The following PDS5A variants were observed in gnomAD, a reference collection of about 807,000 sequenced individuals.
The protein encoded by PDS5A is sister chromatid cohesion protein PDS5 homolog A.
A neutral mutation model predicts 167.1 loss-of-function variants in PDS5A; 42 were observed. That is an observed-to-expected ratio of 0.25 (90% CI 0.20 to 0.33). The LOEUF (loss-of-function observed/expected upper bound fraction) is 0.33. Among genes scored for constraint, PDS5A ranks in the 10% least tolerant of loss-of-function variants. PDS5A has a pLI of 1.00. For synonymous variants in PDS5A, 553 were observed against 554.6 expected (o/e 1.00, Z 0.04); for missense variants, 1,033 against 1,605.9 (o/e 0.64, Z 6.10).
intron 16 of PDS5A, among the ~76,000 whole-genome samples, chr4:39,891,483 T>C (rs1721957199): frequency 1.3e-5 from 2 of 151,712 alleles, no homozygotes; most frequent in South Asian, 4.2e-4. Context: ...ACCCCATCTC[T>C]ATTAAAAATA....
At position 39,862,882 on chromosome 4, in the gene PDS5A, A is replaced by T; in HGVS notation, c.2958T>A (p.Asn986Lys). ...ISIRREYIKQ[N>K]PMATEKLLSL... Reference sequence around the variant, plus strand: ...TGAGTTACTTACCAGTAGCCATAGGATTCTGCTTAATGTATTCCCTGCGTA... The same window carrying T: ...TGAGTTACTTACCAGTAGCCATAGGTTTCTGCTTAATGTATTCCCTGCGTA... Residue 986 changes from asparagine (N) to lysine (K), a missense_variant, in exon 25 of 33, where the codon AAT becomes AAA. By Grantham distance (94) the Asn-to-Lys change is moderately conservative. Around this residue, in one of 4 missense-constraint regions of PDS5A, gnomAD observed 367 missense variants for 686.7 expected, o/e 0.53. Coordinates refer to ENST00000303538, the MANE Select transcript of PDS5A (RefSeq NM_001100399.2). The T allele has an allele frequency of 6.2e-7, 1 of 1,603,968 alleles. No individual in the cohort carries two copies. Among genetic ancestry groups the T allele is most frequent in the Non-Finnish European group, 8.5e-7 (1 of 1,175,086 alleles).
At chr4:39,900,310 G>T (rs1314170792) in intron 14 of PDS5A, 116 bp downstream of exon 14, 3 of 646,022 alleles carry the variant, frequency 4.6e-6, no homozygotes, top group Admixed American at 5.3e-5. Context: ...ATATTTAACT[G>T]ACATTTGGAA....
chr4:39,910,735 C>T (rs894795875), intron 9 of PDS5A, among the ~76,000 whole-genome samples: 1 of 152,172 alleles, frequency 6.6e-6, no homozygotes, highest in Non-Finnish European at 1.5e-5. Flanking sequence ...TGGCTGACAC[C>T]TGTAATCACT....
chr4:39,842,411 T>C (rs1258847655), intron 30 of PDS5A, among the ~76,000 whole-genome samples: 2 of 152,126 alleles, frequency 1.3e-5, no homozygotes, highest in East Asian at 3.9e-4. Context: ...CTACAGACCA[T>C]AGTATAGTTG....
At chr4:39,946,025 G>C (rs1226657964) in intron 2 of PDS5A, among the ~76,000 whole-genome samples, 1 of 151,800 alleles carries the variant, frequency 6.6e-6, no homozygotes, top group African/African-American at 2.4e-5. Context: ...TGGCCAACAA[G>C]GCGAAACCTC....
At chr4:39,950,292 T>C (rs1228357772) in intron 2 of PDS5A, among the ~76,000 whole-genome samples, 1 of 151,994 alleles carries the variant, frequency 6.6e-6, no homozygotes, top group Admixed American at 6.6e-5. Flanking sequence ...CCGGGCACGG[T>C]GGGTCTCACC....
At chr4:39,856,071 T>C (rs1578613661) in intron 26 of PDS5A, among the ~76,000 whole-genome samples, 1 of 151,936 alleles carries the variant, frequency 6.6e-6, no homozygotes, top group South Asian at 2.1e-4. Context: ...AGATAAAGGA[T>C]AAAGGTCTCT....
intron 17 of PDS5A, among the ~76,000 whole-genome samples, chr4:39,884,865 C>T (rs979052817): frequency 2.0e-5 from 3 of 152,118 alleles, no homozygotes; most frequent in African/African-American, 7.2e-5. Flanking sequence ...TTCCTATAGA[C>T]CATTAACTAA....
intron 2 of PDS5A, among the ~76,000 whole-genome samples, chr4:39,965,838 A>G (rs1301900261): frequency 6.6e-6 from 1 of 152,174 alleles, no homozygotes; most frequent in Non-Finnish European, 1.5e-5. Flanking sequence ...GGGGAAGATG[A>G]AAAATTCTGG....
chr4:39,828,601 A>C (rs138103295), intron 32 of PDS5A, among the ~76,000 whole-genome samples: 1 of 152,346 alleles, frequency 6.6e-6, no homozygotes, highest in Non-Finnish European at 1.5e-5. Context: ...CCTAAAGTGT[A>C]AACTGTAGTT....
At position 39,900,467 on chromosome 4, in the gene PDS5A, T is replaced by C; in HGVS notation, c.1540A>G (p.Ser514Gly). ...EMWKCQNMLR[S>G]HVRELLDLHK... The stretch of plus-strand genomic sequence containing the variant: ...AAATCCAATAGTTCGCGTACATGGC[T>C]CCGAAGCATGTTCTGACACTTCCAC... Residue 514 changes from serine (S) to glycine (G), a missense_variant, in exon 14 of 33, where the codon AGC becomes GGC. Ser to Gly is a moderately conservative substitution (Grantham distance 56). This residue lies in a region of PDS5A where 45 missense variants were observed against 40.2 expected (regional missense o/e 1.12). Transcript: ENST00000303538. 2 of 1,585,046 alleles carry C rather than the reference T, an allele frequency of 1.3e-6. No homozygotes were observed. Among genetic ancestry groups the C allele is most frequent in the Non-Finnish European group, 1.7e-6 (2 of 1,163,768 alleles).
intron 21 of PDS5A, among the ~76,000 whole-genome samples, chr4:39,869,950 C>T (rs184028327): frequency 3.9e-5 from 6 of 151,960 alleles, no homozygotes; most frequent in African/African-American, 1.4e-4. Context: ...CTTCTAAAAA[C>T]ACAAAAAAAT....
At chr4:39,908,043 G>A (rs558904387) in intron 11 of PDS5A, among the ~76,000 whole-genome samples, 136 of 152,266 alleles carry the variant, frequency 8.9e-4, no homozygotes, top group Middle Eastern at 3.4e-3. Context: ...AGTTATTCAA[G>A]AAAGTCATAT....
chr4:39,909,366 G>A (rs1256777209), intron 10 of PDS5A, among the ~76,000 whole-genome samples: 1 of 152,138 alleles, frequency 6.6e-6, no homozygotes, highest in East Asian at 1.9e-4. Flanking sequence ...CTCAAGTGAT[G>A]CACTGCCTTG....
At chr4:39,852,526 T>C (rs1347897686) in intron 26 of PDS5A, among the ~76,000 whole-genome samples, 1 of 152,102 alleles carries the variant, frequency 6.6e-6, no homozygotes, top group African/African-American at 2.4e-5. Context: ...TCACTTCACC[T>C]TTTTGCCGTA....
intron 9 of PDS5A, 56 bp downstream of exon 9, chr4:39,913,555 T>C: frequency 3.3e-6 from 3 of 899,100 alleles, no homozygotes; most frequent in South Asian, 2.6e-5. Flanking sequence ...TCAAGTGGAC[T>C]GCACCCTACT....
At chr4:39,944,760 G>A (rs541267223) in intron 2 of PDS5A, among the ~76,000 whole-genome samples, 2 of 150,610 alleles carry the variant, frequency 1.3e-5, no homozygotes, top group East Asian at 3.9e-4. Context: ...AAGGCTTTGA[G>A]ACTTGGTTTT....
intron 8 of PDS5A, 134 bp from the exon 9 acceptor site, chr4:39,913,860 C>T (rs1724111869): frequency 4.8e-6 from 3 of 621,106 alleles, no homozygotes; most frequent in East Asian, 2.7e-5. Context: ...ATCATATGTC[C>T]TCACTTACTA....
At chr4:39,898,262 C>T (rs530611960) in intron 16 of PDS5A, 127 bp downstream of exon 16, 7 of 1,346,836 alleles carry the variant, frequency 5.2e-6, no homozygotes, top group African/African-American at 3.0e-5. Context: ...TAGATATACT[C>T]CAAAGTAATT....
Sources: gnomAD v4.1 joint callset for allele counts (sites outside exome capture counted in the v4.1 genomes callset) on GRCh38, gnomAD v4.1.1 for gene constraint, gnomAD v4.1.1 regional missense constraint, MANE v1.5 for transcripts, NCBI Gene and HGNC (gene_info 2026-07-23, HGNC 2026-07-21) for gene names.